DAB2IP: variants seen among roughly 807,000 people sequenced by gnomAD.
The protein encoded by DAB2IP is DAB2 interacting protein.
In DAB2IP, 28 loss-of-function variants were observed where a neutral mutation model predicts 107.2. The ratio of observed to expected loss-of-function variants is 0.26; its 90% CI spans 0.19 to 0.36. The LOEUF (loss-of-function observed/expected upper bound fraction) is 0.36, where lower values mean the gene tolerates loss of function less well. DAB2IP is among the 10% of genes least tolerant of loss of function. The probability of loss-of-function intolerance (pLI) is 1.00; values close to 1 mark genes in which losing one functional copy is unlikely to be tolerated. For missense variants in DAB2IP, 1,400 were observed against 1,644.7 expected (o/e 0.85, Z 2.57); for synonymous variants, 755 against 706.4 (o/e 1.07, Z -1.09).
At chr9:121,767,115 C>T (rs752117841) in intron 9 of DAB2IP, among the ~76,000 whole-genome samples, 2 of 152,206 alleles carry the variant, frequency 1.3e-5, no homozygotes, top group Admixed American at 6.5e-5. Flanking sequence ...TAATCCATTC[C>T]CTGTGCTTGG....
rs1159356140 is a variant in DAB2IP, at chr9:121,684,892, G to A, written c.228+6111G>A. Among the ~76,000 whole-genome samples the A allele has an allele frequency of 1.3e-5, 2 of 152,198 alleles. No homozygotes were observed. The highest frequency in any genetic ancestry group is 2.1e-4 in the South Asian group (1 of 4,824). On this transcript the variant is annotated intron_variant, in intron 2 of 15. Coordinates refer to ENST00000408936, the Ensembl canonical transcript of DAB2IP. This position sits in a 1 kb window ranked among gnomAD's most constrained non-coding sequence, Gnocchi z 4.0. ...TGCTGTGGGTCCATCTCAGATGGTCGTTCACTTGGGACATATTTATGTTTG... is the reference window on the plus strand; with the variant it reads ...TGCTGTGGGTCCATCTCAGATGGTCATTCACTTGGGACATATTTATGTTTG...
intron 3 of DAB2IP, among the ~76,000 whole-genome samples, chr9:121,729,973 T>C (rs532641744): frequency 3.3e-5 from 5 of 152,240 alleles, no homozygotes; most frequent in African/African-American, 1.2e-4. Context: ...TGTGGGGTTA[T>C]AGTGTTCCCA....
intron 1 of DAB2IP, among the ~76,000 whole-genome samples, chr9:121,589,814 G>A (rs886315727): frequency 2.6e-5 from 4 of 152,230 alleles, no homozygotes; most frequent in South Asian, 2.1e-4. Flanking sequence ...GCTTGGCATT[G>A]CTCAGGATGA....
At chr9:121,607,159 C>T (rs1228492467) in intron 1 of DAB2IP, among the ~76,000 whole-genome samples, 6 of 152,136 alleles carry the variant, frequency 3.9e-5, no homozygotes, top group Non-Finnish European at 2.9e-5. Context: ...AGTAGGAAGC[C>T]CCCTGTCCTT....
chr9:121,573,883 A>G (rs1207423171), intron 1 of DAB2IP, among the ~76,000 whole-genome samples: 3 of 152,094 alleles, frequency 2.0e-5, no homozygotes, highest in African/African-American at 4.8e-5. Context: ...TGTGTGCCAA[A>G]GCTGCCACCT....
At chr9:121,581,542 G>A (rs1830194712) in intron 1 of DAB2IP, among the ~76,000 whole-genome samples, 1 of 152,170 alleles carries the variant, frequency 6.6e-6, no homozygotes, top group African/African-American at 2.4e-5. Flanking sequence ...ATTTTACAGG[G>A]GAGGAAACTG....
intron 3 of DAB2IP, among the ~76,000 whole-genome samples, chr9:121,730,456 C>T (rs1831461951): frequency 6.6e-6 from 1 of 152,222 alleles, no homozygotes; most frequent in Non-Finnish European, 1.5e-5. Flanking sequence ...GGAAGCTTGG[C>T]TCAGGAAGAG....
chr9:121,651,318 T>C (rs890666864), upstream of DAB2IP, among the ~76,000 whole-genome samples: 3 of 152,130 alleles, frequency 2.0e-5, no homozygotes, highest in Admixed American at 6.5e-5. The surrounding 1 kb of genome is among the most constrained non-coding windows in gnomAD (Gnocchi z 5.1). Context: ...CAAGCATGCG[T>C]CCTACCCCGG....
intron 5 of DAB2IP, 130 bp downstream of exon 5, chr9:121,759,126 G>T (rs1032526333): frequency 3.5e-6 from 3 of 853,898 alleles, no homozygotes; most frequent in Non-Finnish European, 5.7e-6. Flanking sequence ...GGCAGGGCCC[G>T]AGTGGACAAT....
chr9:121,641,970 C>CTCTT (rs1204457752), intron 1 of DAB2IP, among the ~76,000 whole-genome samples: 19 of 104,520 alleles, frequency 1.8e-4, no homozygotes, highest in Admixed American at 1.0e-3. Context: ...TTCTCTCTCT[C>CTCTT]TCTTTCTTTC....
intron 2 of DAB2IP, among the ~76,000 whole-genome samples, chr9:121,682,874 G>C (rs886285807): frequency 6.6e-6 from 1 of 151,980 alleles, no homozygotes; most frequent in Admixed American, 6.6e-5. Flanking sequence ...GGGAGAGTTG[G>C]GGGGTAGGGG....
upstream of DAB2IP, among the ~76,000 whole-genome samples, chr9:121,647,170 C>T (rs1020882560): frequency 6.6e-6 from 1 of 152,156 alleles, no homozygotes; most frequent in Admixed American, 6.5e-5. Flanking sequence ...AGCATCTCCC[C>T]TTCCCTGGGG....
intron 9 of DAB2IP, 102 bp downstream of exon 9, chr9:121,766,832 C>T (rs959891828): frequency 8.3e-7 from 1 of 1,208,408 alleles, no homozygotes; most frequent in Non-Finnish European, 1.2e-6. Flanking sequence ...AGACCATAAA[C>T]AGGCCCTGGT....
intron 12 of DAB2IP, among the ~76,000 whole-genome samples, chr9:121,773,752 GAA>G (rs1834958389): frequency 6.6e-6 from 1 of 152,196 alleles, no homozygotes; most frequent in African/African-American, 2.4e-5. Context: ...GGGTCAGAGA[GAA>G]AGAGGAGGAG....
intron 3 of DAB2IP, among the ~76,000 whole-genome samples, chr9:121,714,636 C>A (rs1830499856): frequency 6.6e-6 from 1 of 152,246 alleles, no homozygotes; most frequent in African/African-American, 2.4e-5. Context: ...AGTTACATGC[C>A]AGGCATGGTG....
At chr9:121,768,170 G>A (rs1464902203) in intron 9 of DAB2IP, among the ~76,000 whole-genome samples, 1 of 152,178 alleles carries the variant, frequency 6.6e-6, no homozygotes, top group East Asian at 1.9e-4. Flanking sequence ...AAAAGCCGAA[G>A]GACACTGTTA....
In DAB2IP at chr9:121,625,241, C is replaced by CTTT. The variant is rs55645811; in HGVS notation, c.41-53422_41-53420dup. Among the ~76,000 whole-genome samples the CTTT allele has an allele frequency of 1.9e-3, 237 of 127,800 alleles. 4 individuals are homozygous for CTTT. Among genetic ancestry groups the CTTT allele is most frequent in the Middle Eastern group, 4.5e-3 (1 of 224 alleles). 83.8% of individuals were successfully genotyped at this position (127,800 alleles called of 152,430 possible). A position where few individuals can be genotyped will look rare whatever the true frequency, so the allele number is the denominator to read the frequency against. On this transcript the variant is annotated intron_variant, in intron 1 of 16. Coordinates refer to the DAB2IP transcript ENST00000259371. ...CATAGATGCTACCAAAGTGGCTGGG[C>CTTT]TTTTTTTTTTTTTTTTTGAGACAGA...
chr9:121,711,590 C>A (rs1172760762), intron 3 of DAB2IP, among the ~76,000 whole-genome samples: 1 of 152,194 alleles, frequency 6.6e-6, no homozygotes, highest in Non-Finnish European at 1.5e-5. Flanking sequence ...TGTTATGTCT[C>A]CTCAGAAGCA....
chr9:121,568,574 A>G (rs1829860441), intron 1 of DAB2IP, among the ~76,000 whole-genome samples: 1 of 152,200 alleles, frequency 6.6e-6, no homozygotes. Context: ...GGAGACAGAC[A>G]AACGATCCCA....
Sources: allele counts gnomAD v4.1 joint callset (sites outside exome capture counted in the v4.1 genomes callset), GRCh38; gene constraint gnomAD v4.1.1; non-coding constraint Gnocchi (gnomAD v3.1); transcripts MANE v1.5; gene names NCBI Gene and HGNC (gene_info 2026-07-23, HGNC 2026-07-21).